CLASP1: variants seen among roughly 807,000 people sequenced by gnomAD.
CLASP1 encodes the protein CLIP-associating protein 1.
CLASP1 carries 38 observed loss-of-function variants against 192.3 expected under a neutral mutation model. The observed-to-expected ratio is 0.20, with a 90% CI of 0.15 to 0.26. The LOEUF (loss-of-function observed/expected upper bound fraction) is 0.26. CLASP1 is among the 10% of genes least tolerant of loss of function. CLASP1 has a pLI of 1.00. For synonymous variants in CLASP1, 691 were observed against 712.8 expected, an observed-to-expected ratio of 0.97 and a Z score of 0.49; for missense variants, 1,433 against 1,932.5, an observed-to-expected ratio of 0.74 and a Z score of 4.85.
At chr2:121,572,244 C>A (rs528156616) in intron 2 of CLASP1, among the ~76,000 whole-genome samples, 1 of 152,020 alleles carries the variant, frequency 6.6e-6, no homozygotes, top group African/African-American at 2.4e-5. Context: ...CTGGCTAACA[C>A]GGTGAAACCC....
At chr2:121,602,658 T>C (rs898668225) in intron 2 of CLASP1, among the ~76,000 whole-genome samples, 11 of 152,140 alleles carry the variant, frequency 7.2e-5, no homozygotes, top group African/African-American at 2.4e-4. Context: ...AATCCACATA[T>C]CTACGGCCAA....
chr2:121,459,702 T>A (rs1269288780), intron 12 of CLASP1: 11 of 269,918 alleles, frequency 4.1e-5, no homozygotes, highest in South Asian at 1.5e-4. Flanking sequence ...GAAACAGGAT[T>A]TTATAGAATT....
intron 39 of CLASP1, among the ~76,000 whole-genome samples, chr2:121,341,599 T>C (rs1324965132): frequency 6.6e-6 from 1 of 152,188 alleles, no homozygotes; most frequent in African/African-American, 2.4e-5. Context: ...TAAAAAGATA[T>C]TCCATGAAAC....
chr2:121,531,061 A>C (rs184939100), intron 2 of CLASP1: 11 of 694,162 alleles, frequency 1.6e-5, no homozygotes, highest in South Asian at 1.2e-4. Context: ...ATTCGTAAAT[A>C]AACTAGTACT....
At chr2:121,481,781 C>A (rs2092615599) in intron 8 of CLASP1, among the ~76,000 whole-genome samples, 1 of 152,170 alleles carries the variant, frequency 6.6e-6, no homozygotes, top group African/African-American at 2.4e-5. Context: ...CAATAGGTGA[C>A]CATGTGCATC....
At chr2:121,535,960 C>A (rs1238273182) in intron 2 of CLASP1, among the ~76,000 whole-genome samples, 3 of 151,646 alleles carry the variant, frequency 2.0e-5, no homozygotes, top group Non-Finnish European at 2.9e-5. Flanking sequence ...CTGCACCCAG[C>A]CCTATTTTAT....
At chr2:121,371,512 TGCAGGCGTGAGCCACCATAATTGGAAA>T in intron 34 of CLASP1, among the ~76,000 whole-genome samples, 1 of 152,114 alleles carries the variant, frequency 6.6e-6, no homozygotes, top group Non-Finnish European at 1.5e-5. Flanking sequence ...GTGCTGGGAT[TGCAGGCGTGAGCCACCATAATTGGAAA>T]AAGTAACCCC....
chr2:121,348,647 C>A (rs1002045091), exon 38 of CLASP1: 14 of 1,613,914 alleles, frequency 8.7e-6, no homozygotes, highest in Non-Finnish European at 1.0e-5. Flanking sequence ...TGGGGCAGAG[C>A]ACCTTGATGC....
At chr2:121,345,521 T>A (rs1046798104) in intron 39 of CLASP1, among the ~76,000 whole-genome samples, 1 of 152,202 alleles carries the variant, frequency 6.6e-6, no homozygotes, top group Non-Finnish European at 1.5e-5. Context: ...AATTGTATCA[T>A]TGAAGGTCCT....
At chr2:121,365,709 A>G (rs2067278224) in intron 35 of CLASP1, among the ~76,000 whole-genome samples, 1 of 152,176 alleles carries the variant, frequency 6.6e-6, no homozygotes. Context: ...ATCTACTCTC[A>G]TACACACATA....
chr2:121,446,798 ACT>A (rs1412364811), intron 19 of CLASP1, among the ~76,000 whole-genome samples: 1 of 152,034 alleles, frequency 6.6e-6, no homozygotes, highest in Non-Finnish European at 1.5e-5. Flanking sequence ...GAAGGACAAC[ACT>A]CTTTTGCACA....
chr2:121,371,451 C>T (rs2068711052), intron 34 of CLASP1, among the ~76,000 whole-genome samples: 2 of 151,564 alleles, frequency 1.3e-5, no homozygotes, highest in Non-Finnish European at 2.9e-5. Flanking sequence ...GTTGCCCAGG[C>T]TGTTCTTGAA....
intron 2 of CLASP1, among the ~76,000 whole-genome samples, chr2:121,568,163 C>T (rs1484471068): frequency 5.3e-5 from 8 of 152,114 alleles, no homozygotes; most frequent in African/African-American, 1.9e-4. Flanking sequence ...CTCTCAGACT[C>T]AGGGCTGAAT....
chr2:121,638,629 G>A (rs1256455883), intron 1 of CLASP1, among the ~76,000 whole-genome samples: 3 of 149,616 alleles, frequency 2.0e-5, no homozygotes, highest in East Asian at 3.9e-4. Flanking sequence ...CCATACAATA[G>A]AACATTACTC....
intron 11 of CLASP1, among the ~76,000 whole-genome samples, chr2:121,460,871 C>G (rs968528362): frequency 6.6e-6 from 1 of 152,090 alleles, no homozygotes; most frequent in Admixed American, 6.6e-5. Flanking sequence ...ATTCCACAGT[C>G]AGGTCTTTGT....
In CLASP1 at chr2:121,462,442, T is replaced by C. The variant is rs980040510; in HGVS notation, c.939+90A>G. 9.8e-6 allele frequency: 7 copies of C among 713,892 alleles called. No individual in the cohort carries two copies. In the Admixed American group the frequency reaches 1.3e-4, roughly 13 times the overall value. The allele number at this position is 713,892 out of a possible 1,614,324, so 44.2% of individuals were successfully genotyped here. ...TGACAGTTAAAATTACCTGACCTAG[T>C]AAACAACATTACATAGGCAGAATTG... is the stretch of plus-strand genomic sequence containing the variant. On this transcript the variant is annotated intron_variant, in intron 10 of 39. Transcript: ENST00000263710.
intron 2 of CLASP1, among the ~76,000 whole-genome samples, chr2:121,571,631 A>C (rs1324538069): frequency 6.6e-6 from 1 of 152,156 alleles, no homozygotes; most frequent in Non-Finnish European, 1.5e-5. Context: ...ACTGGGAAAA[A>C]TTAGCACAGG....
chr2:121,437,031 C>G (rs2082415049), intron 19 of CLASP1, among the ~76,000 whole-genome samples: 1 of 152,072 alleles, frequency 6.6e-6, no homozygotes, highest in South Asian at 2.1e-4. Flanking sequence ...GTTATGATCA[C>G]AGCTCACTGC....
At chr2:121,397,050 G>T in intron 30 of CLASP1, 90 bp downstream of exon 31, 1 of 1,275,840 alleles carries the variant, frequency 7.8e-7, no homozygotes, top group South Asian at 1.2e-5. Flanking sequence ...GTTTGTGGGT[G>T]GGTGGCACGG....
Sources: gnomAD v4.1 joint callset for allele counts (sites outside exome capture counted in the v4.1 genomes callset) on GRCh38, gnomAD v4.1.1 for gene constraint, MANE v1.5 for transcripts, NCBI Gene and HGNC (gene_info 2026-07-23, HGNC 2026-07-21) for gene names.